Variants in STAT6 observed in about 807,000 individuals in gnomAD.
STAT6 encodes the protein signal transducer and activator of transcription 6.
A neutral mutation model predicts 106.3 loss-of-function variants in STAT6; 45 were observed. That is an observed-to-expected ratio of 0.42 (90% CI 0.33 to 0.54). STAT6 has a LOEUF of 0.54. STAT6 is among the 20% of genes least tolerant of loss of function. STAT6 has a pLI of 0.06. For missense variants in STAT6, 797 were observed against 1,062.2 expected (o/e 0.75, Z 3.47); for synonymous variants, 413 against 413.6 (o/e 1.00, Z 0.02).
At chr12:57,106,408 C>A (rs1210477505) in intron 6 of STAT6, 69 bp from the exon 7 acceptor site, 1 of 1,608,760 alleles carries the variant, frequency 6.2e-7, no homozygotes, top group Non-Finnish European at 8.5e-7. Context: ...GGATACGGCT[C>A]TTTTTCTCAC....
Position 57,107,332 on chromosome 12 carries a change from G to C in STAT6, c.256-18C>G, listed in dbSNP as rs757861552. 6.2e-7 allele frequency: 1 copy of C among 1,609,396 alleles called. No individual in the cohort carries two copies. The highest frequency in any genetic ancestry group is 2.2e-5 in the East Asian group (1 of 44,862). On this transcript the variant is annotated intron_variant, in intron 3 of 21. Transcript: ENST00000300134. Reference sequence around the variant, plus strand: ...TATATGCTCTACAGAAATGAGGGTGGTAAACAGTGAGCTTTGCTCTTACCC... The same window carrying C: ...TATATGCTCTACAGAAATGAGGGTGCTAAACAGTGAGCTTTGCTCTTACCC...
intron 1 of STAT6, among the ~76,000 whole-genome samples, chr12:57,109,181 G>A (rs566251105): frequency 3.9e-5 from 6 of 152,158 alleles, no homozygotes; most frequent in African/African-American, 1.4e-4. Context: ...CAGCCTGGGC[G>A]ACAGAGAGAG....
chr12:57,101,070 G>T (rs865934942), intron 13 of STAT6, among the ~76,000 whole-genome samples: 1 of 152,016 alleles, frequency 6.6e-6, no homozygotes, highest in East Asian at 1.9e-4. Context: ...TTTGCAACAG[G>T]AATTCTTTTT....
In STAT6 at chr12:57,095,505, T is replaced by G. The variant is rs745680100; in HGVS notation, c.*1067A>C. ...ATGACCCCTGCCTTGAGAGGGAGAA[T>G]GGGATAGGGGAGTGAAGGGAAGCTG... On this transcript the variant is annotated 3_prime_UTR_variant, in exon 22 of 22. Coordinates refer to ENST00000300134, the MANE Select transcript of STAT6 (RefSeq NM_003153.5). 6.6e-6 allele frequency: 1 copy of G among 152,612 alleles called. No homozygotes were observed. The highest frequency in any genetic ancestry group is 2.4e-5 in the African/African-American group (1 of 41,414). The allele number at this position is 152,612 out of a possible 1,614,324, so 9.5% of individuals were successfully genotyped here. A position where few individuals can be genotyped will look rare whatever the true frequency, so the allele number is the denominator to read the frequency against.
chr12:57,109,739 C>G (rs1265174333), intron 1 of STAT6, among the ~76,000 whole-genome samples: 2 of 152,162 alleles, frequency 1.3e-5, no homozygotes, highest in East Asian at 3.9e-4. Flanking sequence ...GAGGAGGGGA[C>G]AGGGAAGTAG....
chr12:57,099,090 A>G lies in STAT6; in HGVS notation c.1892-12T>C. ...ACCCATCTGTTCAGCTGTTGTGAGA[A>G]GGAAAAGACAGCCATGGAGTGCTCT... On this transcript the variant is annotated splice_polypyrimidine_tract_variant and intron_variant, in intron 16 of 21. Coordinates refer to ENST00000300134, the MANE Select transcript of STAT6 (RefSeq NM_003153.5). This position sits in a 1 kb window ranked among gnomAD's most constrained non-coding sequence, Gnocchi z 4.7. The G allele has an allele frequency of 6.2e-7, 1 of 1,614,120 alleles. No individual in the cohort carries two copies. Among genetic ancestry groups the G allele is most frequent in the South Asian group, 1.1e-5 (1 of 91,080 alleles).
chr12:57,098,196 G>C (rs535826441), intron 19 of STAT6, among the ~76,000 whole-genome samples: 1 of 152,304 alleles, frequency 6.6e-6, no homozygotes. Context: ...CTTTTTAAGT[G>C]TTATGAACTC....
At chr12:57,102,222 G>A (rs984857659) in intron 13 of STAT6, 68 bp downstream of exon 13, 45 of 1,539,390 alleles carry the variant, frequency 2.9e-5, no homozygotes, top group Non-Finnish European at 3.9e-5. Context: ...CATGGAGGCT[G>A]AGCAGGCCCT....
At position 57,099,096 on chromosome 12, in the gene STAT6, AGAC is replaced by A. The variant is rs751860928; in HGVS notation, c.1892-21_1892-19del. On this transcript the variant is annotated intron_variant, in intron 16 of 21. Transcript: ENST00000300134. This position sits in a 1 kb window ranked among gnomAD's most constrained non-coding sequence, Gnocchi z 4.7. ...CTGTTCAGCTGTTGTGAGAAGGAAA[AGAC>A]AGCCATGGAGTGCTCTGGGGTTAGG... The A allele has an allele frequency of 6.2e-7, 1 of 1,614,052 alleles. No individual in the cohort carries two copies. Among genetic ancestry groups the A allele is most frequent in the East Asian group, 2.2e-5 (1 of 44,886 alleles).
intron 19 of STAT6, 107 bp from the exon 20 acceptor site, chr12:57,097,240 A>C: frequency 1.1e-6 from 1 of 906,110 alleles, no homozygotes; most frequent in Non-Finnish European, 1.6e-6. Context: ...CCTTATCCTG[A>C]CTTAGTCATG....
intron 11 of STAT6, 40 bp from the exon 12 acceptor site, chr12:57,102,961 T>A: frequency 1.8e-6 from 1 of 556,004 alleles, no homozygotes; most frequent in Non-Finnish European, 2.8e-6. Flanking sequence ...TCTTTCTTTC[T>A]TTCCTTTTTT....
In STAT6 at chr12:57,102,931, G is replaced by C; in HGVS notation, c.1213-10C>G. On this transcript the variant is annotated splice_polypyrimidine_tract_variant and intron_variant, in intron 11 of 21. Transcript: ENST00000300134. ...GGGGCAGAGACAGGGCCTGAAGAGGGTGAGGACAGGGGTTTCTTTTCTTTC... is the reference window on the plus strand; with the variant it reads ...GGGGCAGAGACAGGGCCTGAAGAGGCTGAGGACAGGGGTTTCTTTTCTTTC... 6.4e-7 allele frequency: 1 copy of C among 1,551,218 alleles called. No individual in the cohort carries two copies. The highest frequency in any genetic ancestry group is 8.8e-7 in the Non-Finnish European group (1 of 1,129,992).
intron 19 of STAT6, among the ~76,000 whole-genome samples, chr12:57,097,632 T>C (rs1190180448): frequency 3.3e-5 from 5 of 152,104 alleles, no homozygotes; most frequent in Non-Finnish European, 7.4e-5. Flanking sequence ...TCCCATAAGA[T>C]TATAATCAAG....
In STAT6 at chr12:57,097,021, C is replaced by T. The variant is rs538097411; in HGVS notation, c.2226-43G>A. On this transcript the variant is annotated intron_variant, in intron 20 of 21. Transcript: ENST00000300134. ...TGGAAATAAGGAGAGCGGGGCAAGG[C>T]CAGGAAAGAAGAGGCACATGGGGTC... The T allele has an allele frequency of 2.5e-6, 4 of 1,600,170 alleles. No homozygotes were observed. In the East Asian group the frequency reaches 6.7e-5, roughly 27 times the overall value.
At chr12:57,097,471 A>T (rs920031940) in intron 19 of STAT6, among the ~76,000 whole-genome samples, 7 of 152,188 alleles carry the variant, frequency 4.6e-5, no homozygotes, top group Non-Finnish European at 1.0e-4. Flanking sequence ...GGGAAGAAAA[A>T]TGTCTAGGCC....
rs1384214325 is a variant in STAT6 at position 57,108,189 on chromosome 12, C to G, written c.90G>C (p.Leu30=). Residue 30 remains leucine, a synonymous_variant, in exon 2 of 22, where the codon CTG becomes CTC. Transcript: ENST00000300134. The stretch of plus-strand genomic sequence containing the variant: ...AGGGCTGGCTCTCCAGCCAGTCACC[C>G]AGAAGATGCCGCAGGTGTTGGGGAA... ...VDFPQHLRHL[L]GDWLESQPWE... The G allele has an allele frequency of 3.1e-6, 5 of 1,612,074 alleles. No homozygotes were observed. The highest frequency in any genetic ancestry group is 4.2e-6 in the Non-Finnish European group (5 of 1,179,182).
In STAT6 at chr12:57,096,660, C is replaced by G. The variant is rs766855555; in HGVS notation, c.2456G>C (p.Gly819Ala). The G allele has an allele frequency of 6.3e-5, 102 of 1,607,458 alleles. No homozygotes were observed. Among genetic ancestry groups the G allele is most frequent in the Non-Finnish European group, 7.9e-5 (93 of 1,178,020 alleles). ...GQGESGGGSL[G>A]AQPLLQPSHY... Reference sequence around the variant, plus strand: ...GGAGGGCTGCAGGAGGGGCTGTGCCCCCAAGGACCCTCCCCCCGACTCCCC... The same window carrying G: ...GGAGGGCTGCAGGAGGGGCTGTGCCGCCAAGGACCCTCCCCCCGACTCCCC... Residue 819 changes from glycine to alanine, a missense_variant, in exon 22 of 22, where the codon GGG (glycine) becomes GCG (alanine). Coordinates refer to ENST00000300134, the MANE Select transcript of STAT6 (RefSeq NM_003153.5).
chr12:57,097,662 G>A (rs562053441), intron 19 of STAT6, among the ~76,000 whole-genome samples: 33 of 152,184 alleles, frequency 2.2e-4, no homozygotes, highest in Non-Finnish European at 4.0e-4. Context: ...AGTGACTCAC[G>A]CCTGTAATCC....
At chr12:57,107,050 C>G (rs1021447524) in intron 4 of STAT6, among the ~76,000 whole-genome samples, 181 bp downstream of exon 4, 1 of 152,212 alleles carries the variant, frequency 6.6e-6, no homozygotes, top group Admixed American at 6.5e-5. Flanking sequence ...CCTTCAGTCC[C>G]TCATAGAAAG....
Sources: allele counts gnomAD v4.1 joint callset (sites outside exome capture counted in the v4.1 genomes callset), GRCh38; gene constraint gnomAD v4.1.1; non-coding constraint Gnocchi (gnomAD v3.1); transcripts MANE v1.5; gene names NCBI Gene and HGNC (gene_info 2026-07-23, HGNC 2026-07-21).